The following COL21A1 variants were observed in gnomAD, a reference collection of about 807,000 sequenced individuals.
COL21A1 encodes collagen type XXI alpha 1 chain.
In COL21A1, 149 loss-of-function variants were observed where a neutral mutation model predicts 137.9. The ratio of observed to expected loss-of-function variants is 1.08; its 90% CI spans 0.95 to 1.24. COL21A1 has a LOEUF of 1.24. COL21A1 is among the 50% of genes most tolerant of loss of function. COL21A1 has a pLI of 0.00. For synonymous variants in COL21A1, 456 were observed against 391.5 expected (o/e 1.16, Z -1.95); for missense variants, 1,167 against 1,158.4 (o/e 1.01, Z -0.11).
chr6:56,111,828 C>A (rs531614920), intron 16 of COL21A1, among the ~76,000 whole-genome samples: 13 of 151,636 alleles, frequency 8.6e-5, no homozygotes, highest in African/African-American at 2.9e-4. Flanking sequence ...AAGCCAAGAT[C>A]GTGCCATTGC....
intron 1 of COL21A1, among the ~76,000 whole-genome samples, chr6:56,387,951 A>G (rs2152353244): frequency 6.6e-6 from 1 of 152,236 alleles, no homozygotes; most frequent in East Asian, 1.9e-4. Flanking sequence ...AGGCCAAGGG[A>G]GTGCCTGCAT....
intron 12 of COL21A1, among the ~76,000 whole-genome samples, chr6:56,136,347 T>C (rs1422353755): frequency 6.6e-6 from 1 of 152,226 alleles, no homozygotes; most frequent in Non-Finnish European, 1.5e-5. Flanking sequence ...TGATTAATAA[T>C]AATTTGCTGA....
rs562339389 is a variant in COL21A1, at chr6:56,125,082, G to A, written c.1650+485C>T. Among the ~76,000 whole-genome samples the A allele has an allele frequency of 4.6e-5, 6 of 130,360 alleles. 1 individual carries two copies. The South Asian group carries it at 1.5e-3, about 32-fold the overall frequency. The allele number at this position is 130,360 out of a possible 152,430, so 85.5% of individuals were successfully genotyped here. A position where few individuals can be genotyped will look rare whatever the true frequency, so the allele number is the denominator to read the frequency against. On this transcript the variant is annotated intron_variant, in intron 14 of 29. Coordinates refer to ENST00000244728, the MANE Select transcript of COL21A1 (RefSeq NM_030820.4). ...GTCACGCAGGCTGGAGTGCAGTGGC[G>A]TGATCTTGGCTCTCTGCAACCTCCG...
At chr6:56,222,130 G>T (rs2397209) in intron 1 of COL21A1, among the ~76,000 whole-genome samples, 1 of 151,886 alleles carries the variant, frequency 6.6e-6, no homozygotes, top group Non-Finnish European at 1.5e-5. Flanking sequence ...AAAATTAGCC[G>T]GGCATGGTGG....
At chr6:56,390,010 T>A (rs2094025991) in intron 1 of COL21A1, among the ~76,000 whole-genome samples, 1 of 152,136 alleles carries the variant, frequency 6.6e-6, no homozygotes, top group Non-Finnish European at 1.5e-5. Context: ...CTGGTAATAG[T>A]AAATACACAA....
chr6:56,123,506 A>C (rs1178332579), intron 16 of COL21A1, among the ~76,000 whole-genome samples: 1 of 152,184 alleles, frequency 6.6e-6, no homozygotes, highest in South Asian at 2.1e-4. Flanking sequence ...TGATTGACCA[A>C]ATGGCCTCTT....
chr6:56,210,661 G>A (rs1780098603), intron 1 of COL21A1, among the ~76,000 whole-genome samples: 1 of 152,074 alleles, frequency 6.6e-6, no homozygotes, highest in East Asian at 1.9e-4. Context: ...GATATAATAG[G>A]AGGAGCACAT....
intron 1 of COL21A1, among the ~76,000 whole-genome samples, chr6:56,309,024 T>C (rs1489786562): frequency 6.6e-6 from 1 of 151,292 alleles, no homozygotes; most frequent in African/African-American, 2.4e-5. Flanking sequence ...TGTTTGTTAA[T>C]CACGCTCAGT....
intron 17 of COL21A1, among the ~76,000 whole-genome samples, chr6:56,088,566 C>T (rs116741019): frequency 0.027 from 4,120 of 152,096 alleles, 107 homozygotes; most frequent in Middle Eastern, 0.068. Context: ...TACAATGGTC[C>T]TTACACTGTA....
At chr6:56,291,532 G>C (rs1031661090) in intron 1 of COL21A1, among the ~76,000 whole-genome samples, 6 of 152,228 alleles carry the variant, frequency 3.9e-5, no homozygotes, top group African/African-American at 1.4e-4. Flanking sequence ...CAAAGTAGTG[G>C]GTGCTAGAGG....
intron 1 of COL21A1, among the ~76,000 whole-genome samples, chr6:56,332,724 G>T (rs1765258003): frequency 6.6e-6 from 1 of 151,556 alleles, no homozygotes; most frequent in African/African-American, 2.4e-5. Context: ...TAGATAGAGA[G>T]TGTCATCTTT....
At chr6:56,092,289 TG>T (rs1392738474) in intron 17 of COL21A1, among the ~76,000 whole-genome samples, 9 of 151,958 alleles carry the variant, frequency 5.9e-5, no homozygotes, top group Non-Finnish European at 1.5e-5. Flanking sequence ...AAAACCCAAC[TG>T]GGGAAAAATA....
At chr6:56,159,027 C>T (rs1775999711) in intron 9 of COL21A1, among the ~76,000 whole-genome samples, 1 of 152,140 alleles carries the variant, frequency 6.6e-6, no homozygotes, top group Admixed American at 6.5e-5. Context: ...TGAGAAGGTG[C>T]ACATTAATCT....
At chr6:56,308,148 T>C (rs1044470942) in intron 1 of COL21A1, among the ~76,000 whole-genome samples, 2 of 152,218 alleles carry the variant, frequency 1.3e-5, no homozygotes, top group African/African-American at 4.8e-5. Flanking sequence ...TCATGAAGGC[T>C]CTGCCTTATA....
chr6:56,163,232 T>C (rs868815620), intron 9 of COL21A1, among the ~76,000 whole-genome samples: 1 of 152,184 alleles, frequency 6.6e-6, no homozygotes, highest in Non-Finnish European at 1.5e-5. Context: ...TCAATACACA[T>C]AAACATTATC....
chr6:56,220,149 T>C (rs1279483830), intron 1 of COL21A1, among the ~76,000 whole-genome samples: 1 of 152,124 alleles, frequency 6.6e-6, no homozygotes, highest in Admixed American at 6.6e-5. Context: ...TCAAATGGCA[T>C]AATACATAAA....
intron 1 of COL21A1, among the ~76,000 whole-genome samples, chr6:56,301,222 G>A (rs1274555054): frequency 6.6e-6 from 1 of 152,092 alleles, no homozygotes; most frequent in Non-Finnish European, 1.5e-5. Context: ...GATTACCCTG[G>A]ATTATCCAAG....
intron 1 of COL21A1, among the ~76,000 whole-genome samples, chr6:56,380,322 G>A (rs1249610148): frequency 6.6e-6 from 1 of 152,122 alleles, no homozygotes; most frequent in Non-Finnish European, 1.5e-5. Flanking sequence ...CAAATAAACC[G>A]CTTTTCTTTA....
chr6:56,337,956 CT>C (rs1562062788), intron 1 of COL21A1, among the ~76,000 whole-genome samples: 4 of 117,710 alleles, frequency 3.4e-5, no homozygotes, highest in Non-Finnish European at 5.4e-5. Context: ...CTTTTCTTTT[CT>C]TTTCTTTTTT....
Sources: allele counts gnomAD v4.1 joint callset (sites outside exome capture counted in the v4.1 genomes callset), GRCh38; gene constraint gnomAD v4.1.1; transcripts MANE v1.5; gene names NCBI Gene and HGNC (gene_info 2026-07-23, HGNC 2026-07-21).